The following DPP10 variants were observed in gnomAD, a reference collection of about 807,000 sequenced individuals.
The protein encoded by DPP10 is dipeptidyl peptidase like 10.
A neutral mutation model predicts 120.9 loss-of-function variants in DPP10; 33 were observed. The observed-to-expected ratio is 0.27, with a 90% CI of 0.21 to 0.37. DPP10 has a LOEUF of 0.37. Among genes scored for constraint, DPP10 ranks in the 10% least tolerant of loss-of-function variants. The probability of loss-of-function intolerance (pLI) is 1.00; values close to 1 mark genes in which losing one functional copy is unlikely to be tolerated. For missense variants in DPP10, 816 were observed against 942.8 expected, an observed-to-expected ratio of 0.87 and a Z score of 1.76; for synonymous variants, 337 against 326.1, an observed-to-expected ratio of 1.03 and a Z score of -0.36.
chr2:114,647,041 A>T (rs993083918), intron 1 of DPP10, among the ~76,000 whole-genome samples: 1 of 152,234 alleles, frequency 6.6e-6, no homozygotes, highest in Admixed American at 6.5e-5. Context: ...TTTCTGCTAC[A>T]CTGCCTTGCT....
chr2:115,115,686 C>A (rs560831015), intron 1 of DPP10, among the ~76,000 whole-genome samples: 1 of 152,084 alleles, frequency 6.6e-6, no homozygotes, highest in African/African-American at 2.4e-5. Context: ...TGAAACGTAC[C>A]GCATGGCATT....
intron 1 of DPP10, among the ~76,000 whole-genome samples, chr2:114,963,775 A>C (rs764863991): frequency 5.9e-5 from 9 of 152,138 alleles, no homozygotes; most frequent in Admixed American, 1.3e-4. Context: ...GTCGTGTCGC[A>C]AGGGATTTGC....
chr2:115,762,627 C>G lies in DPP10; in HGVS notation c.1113+17C>G. ...TCTCAGCAGGTACAGTATAGGTGGT[C>G]TGTCACATCTTGGCCATTGTGACCA... On this transcript the variant is annotated intron_variant, in intron 12 of 25. Transcript: ENST00000410059. The G allele has an allele frequency of 6.2e-7, 1 of 1,612,592 alleles. No homozygotes were observed.
chr2:114,718,142 A>C (rs1357959490), intron 1 of DPP10, among the ~76,000 whole-genome samples: 1 of 152,018 alleles, frequency 6.6e-6, no homozygotes, highest in Non-Finnish European at 1.5e-5. Context: ...AGTGGTTTTC[A>C]AATATTACAT....
intron 3 of DPP10, among the ~76,000 whole-genome samples, chr2:115,413,956 T>C (rs1423281951): frequency 6.6e-6 from 1 of 152,172 alleles, no homozygotes; most frequent in Non-Finnish European, 1.5e-5. Flanking sequence ...ACTGAGATCA[T>C]TGACATTCTG....
intron 1 of DPP10, among the ~76,000 whole-genome samples, chr2:114,768,316 G>A (rs191275548): frequency 6.6e-6 from 1 of 152,258 alleles, no homozygotes; most frequent in East Asian, 1.9e-4. Context: ...TTCCCAGGAT[G>A]TTTGATAGTT....
chr2:115,170,010 T>C (rs1343014861), intron 1 of DPP10, among the ~76,000 whole-genome samples: 1 of 152,194 alleles, frequency 6.6e-6, no homozygotes, highest in Admixed American at 6.5e-5. Flanking sequence ...CTGTATTACG[T>C]AATCAAGAAC....
intron 4 of DPP10, among the ~76,000 whole-genome samples, chr2:115,511,424 A>G (rs1200577012): frequency 6.6e-6 from 1 of 151,984 alleles, no homozygotes; most frequent in Non-Finnish European, 1.5e-5. Flanking sequence ...CTCTTCTTTC[A>G]TGCCTGATTT....
At chr2:115,794,948 C>G (rs1292011880) in intron 19 of DPP10, among the ~76,000 whole-genome samples, 1 of 152,066 alleles carries the variant, frequency 6.6e-6, no homozygotes, top group Admixed American at 6.6e-5. Flanking sequence ...GGGGAGATAA[C>G]AAGATTGCAA....
chr2:115,706,984 A>G (rs1337581435), intron 7 of DPP10, among the ~76,000 whole-genome samples: 2 of 151,964 alleles, frequency 1.3e-5, no homozygotes, highest in Non-Finnish European at 2.9e-5. Flanking sequence ...AAATGAAAAT[A>G]AAAAAAGACA....
chr2:114,714,711 A>T (rs1701245608), intron 1 of DPP10, among the ~76,000 whole-genome samples: 1 of 152,096 alleles, frequency 6.6e-6, no homozygotes, highest in Admixed American at 6.6e-5. Flanking sequence ...TTTGAGACCT[A>T]GATTATGTTA....
At chr2:115,502,886 T>C (rs1575036138) in intron 4 of DPP10, among the ~76,000 whole-genome samples, 1 of 139,076 alleles carries the variant, frequency 7.2e-6, no homozygotes, top group South Asian at 2.3e-4. Flanking sequence ...TTTTTTTTTT[T>C]AGAAATGGAG....
intron 1 of DPP10, among the ~76,000 whole-genome samples, chr2:114,542,153 T>G (rs193243047): frequency 1.3e-5 from 2 of 151,030 alleles, no homozygotes; most frequent in East Asian, 3.9e-4. Flanking sequence ...GTTCCAGTGA[T>G]TCTTCTACCT....
At chr2:115,635,010 C>T (rs987976526) in intron 5 of DPP10, among the ~76,000 whole-genome samples, 9 of 152,070 alleles carry the variant, frequency 5.9e-5, no homozygotes, top group South Asian at 2.1e-4. Flanking sequence ...GCCACAGCCA[C>T]GGTGCTGCAC....
chr2:115,083,663 A>C (rs1038592373), intron 1 of DPP10, among the ~76,000 whole-genome samples: 4 of 150,764 alleles, frequency 2.7e-5, no homozygotes, highest in Non-Finnish European at 5.9e-5. Context: ...CTGTCAAAAA[A>C]GTTATTAAAC....
At chr2:114,987,088 GT>G (rs1248524260) in intron 1 of DPP10, among the ~76,000 whole-genome samples, 1 of 151,976 alleles carries the variant, frequency 6.6e-6, no homozygotes, top group Non-Finnish European at 1.5e-5. Flanking sequence ...CCTAGGATAG[GT>G]TTTCTCATTG....
chr2:115,101,186 C>T (rs749799030), intron 1 of DPP10, among the ~76,000 whole-genome samples: 22 of 152,106 alleles, frequency 1.4e-4, no homozygotes, highest in Non-Finnish European at 2.1e-4. Flanking sequence ...ATAGTTGTGC[C>T]CTCTATTTCT....
chr2:115,263,607 CA>C (rs976448083), intron 1 of DPP10, among the ~76,000 whole-genome samples: 6 of 118,366 alleles, frequency 5.1e-5, no homozygotes, highest in Admixed American at 4.2e-4. Context: ...AAGGCTTTTC[CA>C]GGGATACATT....
At chr2:114,840,053 TCCACAAACATCCCCA>T (rs1365608124) in intron 1 of DPP10, among the ~76,000 whole-genome samples, 1 of 152,120 alleles carries the variant, frequency 6.6e-6, no homozygotes, top group Non-Finnish European at 1.5e-5. Flanking sequence ...ATCTCTCCCC[TCCACAAACATCCCCA>T]CTGGGCCTTC....
Sources: gnomAD v4.1 joint callset for allele counts (sites outside exome capture counted in the v4.1 genomes callset) on GRCh38, gnomAD v4.1.1 for gene constraint, MANE v1.5 for transcripts, NCBI Gene and HGNC (gene_info 2026-07-23, HGNC 2026-07-21) for gene names.